GFOD1: variants seen among roughly 807,000 people sequenced by gnomAD.
GFOD1 encodes the protein Gfo/Idh/MocA-like oxidoreductase domain containing 1.
In GFOD1, 9 loss-of-function variants were observed where a neutral mutation model predicts 25.4. The observed-to-expected ratio is 0.35, with a 90% CI of 0.21 to 0.62. GFOD1 has a LOEUF of 0.62. Ranked by LOEUF, GFOD1 falls within the 20% of genes least tolerant of loss-of-function variation. The pLI is 0.72. For synonymous variants in GFOD1, 253 were observed against 245.6 expected, an observed-to-expected ratio of 1.03 and a Z score of -0.28; for missense variants, 403 against 556.9, an observed-to-expected ratio of 0.72 and a Z score of 2.78.
At chr6:13,374,598 G>A (rs569562018) in intron 1 of GFOD1, among the ~76,000 whole-genome samples, 11 of 150,822 alleles carry the variant, frequency 7.3e-5, no homozygotes, top group East Asian at 3.9e-4. Context: ...GAACCACCAC[G>A]CCCAGCCAAA....
chr6:13,476,913 C>T (rs866032781), intron 1 of GFOD1, among the ~76,000 whole-genome samples: 4 of 152,022 alleles, frequency 2.6e-5, no homozygotes, highest in African/African-American at 7.2e-5. Context: ...TAGAATTGGT[C>T]GGGGTGAAGT....
chr6:13,419,122 T>C (rs1179774122), intron 1 of GFOD1, among the ~76,000 whole-genome samples: 1 of 152,204 alleles, frequency 6.6e-6, no homozygotes, highest in Non-Finnish European at 1.5e-5. Flanking sequence ...AAGTCCAGGT[T>C]GCCATATTGG....
intron 1 of GFOD1, among the ~76,000 whole-genome samples, chr6:13,387,791 A>G (rs896092221): frequency 2.0e-5 from 3 of 152,224 alleles, no homozygotes; most frequent in Admixed American, 6.5e-5. Context: ...AAAAAGAAAT[A>G]AAGGATATTC....
intron 1 of GFOD1, among the ~76,000 whole-genome samples, chr6:13,371,704 AG>A (rs1439818717): frequency 5.3e-5 from 8 of 152,314 alleles, no homozygotes; most frequent in Admixed American, 5.2e-4. Flanking sequence ...GGTCTGGCAA[AG>A]TCCCCTGGTG....
At chr6:13,407,453 A>G (rs1246896613) in intron 1 of GFOD1, among the ~76,000 whole-genome samples, 2 of 152,122 alleles carry the variant, frequency 1.3e-5, no homozygotes, top group African/African-American at 4.8e-5. Context: ...CTTTGTCCCC[A>G]TTTTCTTCTG....
At chr6:13,474,428 T>A (rs1758573300) in intron 1 of GFOD1, among the ~76,000 whole-genome samples, 1 of 152,196 alleles carries the variant, frequency 6.6e-6, no homozygotes, top group African/African-American at 2.4e-5. Flanking sequence ...TTTTTCCCCT[T>A]TGCCTTAGTG....
chr6:13,378,240 G>A (rs1289826623), intron 1 of GFOD1, among the ~76,000 whole-genome samples: 3 of 152,182 alleles, frequency 2.0e-5, no homozygotes, highest in Non-Finnish European at 2.9e-5. Context: ...CCAAAGCCCC[G>A]TGTTTTCCAT....
intron 1 of GFOD1, among the ~76,000 whole-genome samples, chr6:13,401,759 C>G (rs997914630): frequency 6.6e-6 from 1 of 151,626 alleles, no homozygotes; most frequent in Non-Finnish European, 1.5e-5. Context: ...CCAAATTGAT[C>G]TACAGAGTCA....
intron 1 of GFOD1, chr6:13,469,266 C>T (rs764948816): frequency 3.3e-5 from 33 of 985,436 alleles, no homozygotes; most frequent in Non-Finnish European, 3.9e-5. Flanking sequence ...ATCACACTCG[C>T]CTTTTATATC....
chr6:13,486,610 C>T (rs1469560449), intron 1 of GFOD1, 28 bp downstream of exon 1: 2 of 1,585,114 alleles, frequency 1.3e-6, no homozygotes, highest in East Asian at 2.2e-5. Context: ...GGGGGTGGGA[C>T]GGAGGATGCG....
chr6:13,433,901 C>T (rs1211269011), intron 1 of GFOD1, among the ~76,000 whole-genome samples: 4 of 152,208 alleles, frequency 2.6e-5, no homozygotes, highest in Non-Finnish European at 5.9e-5. Context: ...TTCCAGTTCC[C>T]AAAGGCGCTT....
At chr6:13,431,392 C>T (rs1350190382) in intron 1 of GFOD1, among the ~76,000 whole-genome samples, 4 of 152,074 alleles carry the variant, frequency 2.6e-5, no homozygotes, top group Non-Finnish European at 5.9e-5. Flanking sequence ...TCTACTCTAC[C>T]ACTCATATTC....
chr6:13,435,965 T>C (rs1373737132), intron 1 of GFOD1, among the ~76,000 whole-genome samples: 1 of 152,188 alleles, frequency 6.6e-6, no homozygotes, highest in Admixed American at 6.5e-5. Context: ...CTTACATGAG[T>C]AGAATATCTG....
chr6:13,438,155 T>C (rs917686703), intron 1 of GFOD1, among the ~76,000 whole-genome samples: 3 of 152,240 alleles, frequency 2.0e-5, no homozygotes, highest in African/African-American at 7.2e-5. Flanking sequence ...CATACACTAA[T>C]TTGAGCCTCC....
chr6:13,404,688 G>C (rs1253254679), intron 1 of GFOD1, among the ~76,000 whole-genome samples: 1 of 152,172 alleles, frequency 6.6e-6, no homozygotes, highest in South Asian at 2.1e-4. Context: ...CACAGTGGAG[G>C]CTGCATGCAC....
chr6:13,421,818 A>G (rs1786261746), intron 1 of GFOD1, among the ~76,000 whole-genome samples: 1 of 152,202 alleles, frequency 6.6e-6, no homozygotes, highest in Non-Finnish European at 1.5e-5. Context: ...CTGCCTACGG[A>G]GGATCTCTAG....
At chr6:13,459,618 G>T (rs1207696712) in intron 1 of GFOD1, among the ~76,000 whole-genome samples, 1 of 151,720 alleles carries the variant, frequency 6.6e-6, no homozygotes, top group African/African-American at 2.4e-5. Context: ...TCTGACAAAG[G>T]TTTAATATCC....
Position 13,432,746 on chromosome 6 carries a change from A to C in GFOD1, c.253+53892T>G, listed in dbSNP as rs371454681. On this transcript the variant is annotated intron_variant, in intron 1 of 1. Transcript: ENST00000379287. Reference sequence around the variant, plus strand: ...CCTGTGCACATCCTGCCATATCACTATGGTTGTTCCCTGAGCGGGCAGCAC... The same window carrying C: ...CCTGTGCACATCCTGCCATATCACTCTGGTTGTTCCCTGAGCGGGCAGCAC... Among the ~76,000 whole-genome samples the C allele has an allele frequency of 2.6e-5, 4 of 152,122 alleles. No homozygotes were observed. In the South Asian group the frequency reaches 6.3e-4, roughly 24 times the overall value.
At chr6:13,426,761 T>G (rs1319380567) in intron 1 of GFOD1, among the ~76,000 whole-genome samples, 1 of 152,176 alleles carries the variant, frequency 6.6e-6, no homozygotes, top group Non-Finnish European at 1.5e-5. Context: ...GAAGCGGGGC[T>G]AACAACCAGC....
Sources: gnomAD v4.1 joint callset for allele counts (sites outside exome capture counted in the v4.1 genomes callset) on GRCh38, gnomAD v4.1.1 for gene constraint, MANE v1.5 for transcripts, NCBI Gene and HGNC (gene_info 2026-07-23, HGNC 2026-07-21) for gene names.